The following CTNNA3 variants were observed in gnomAD, a reference collection of about 807,000 sequenced individuals.
The protein encoded by CTNNA3 is catenin alpha-3.
In CTNNA3, 76 loss-of-function variants were observed where a neutral mutation model predicts 95.7. The ratio of observed to expected loss-of-function variants is 0.79; its 90% CI spans 0.66 to 0.96. The LOEUF (loss-of-function observed/expected upper bound fraction) is 0.96. Among genes scored for constraint, CTNNA3 ranks in the 40% least tolerant of loss-of-function variants. The probability of loss-of-function intolerance (pLI) is 0.00; values close to 1 mark genes in which losing one functional copy is unlikely to be tolerated. For synonymous variants in CTNNA3, 431 were observed against 374.4 expected, an observed-to-expected ratio of 1.15 and a Z score of -1.74; for missense variants, 1,191 against 1,089.8, an observed-to-expected ratio of 1.09 and a Z score of -1.31.
At chr10:67,315,290 C>T (rs771442897) in intron 5 of CTNNA3, among the ~76,000 whole-genome samples, 10 of 152,246 alleles carry the variant, frequency 6.6e-5, no homozygotes, top group Non-Finnish European at 1.2e-4. Context: ...CAAAATATTA[C>T]CATTGATCAT....
chr10:67,666,721 ACTTTC>A (rs1246031553), intron 1 of CTNNA3, among the ~76,000 whole-genome samples: 1 of 152,006 alleles, frequency 6.6e-6, no homozygotes, highest in Non-Finnish European at 1.5e-5. Flanking sequence ...CATCATCTCA[ACTTTC>A]CTTAGTAAAT....
At chr10:66,875,547 G>T (rs184660248) in intron 7 of CTNNA3, among the ~76,000 whole-genome samples, 1 of 152,200 alleles carries the variant, frequency 6.6e-6, no homozygotes, top group East Asian at 1.9e-4. Flanking sequence ...TAAGCCTCTT[G>T]CTGATTCAAT....
chr10:67,349,610 A>G lies in CTNNA3; in HGVS notation c.580-129740T>C, dbSNP rs1425334133. Among the ~76,000 whole-genome samples the G allele has an allele frequency of 2.6e-5, 4 of 152,172 alleles. No homozygotes were observed. In the East Asian group the frequency reaches 7.7e-4, roughly 29 times the overall value. ...AAAGTTTCAATTAATCAAGATAAATAAGTTCTAGAGATCTGCTGTACAACA... is the reference window on the plus strand; with the variant it reads ...AAAGTTTCAATTAATCAAGATAAATGAGTTCTAGAGATCTGCTGTACAACA... On this transcript the variant is annotated intron_variant, in intron 5 of 17. Coordinates refer to ENST00000433211, the MANE Select transcript of CTNNA3 (RefSeq NM_013266.4).
chr10:67,323,521 G>A (rs1841412334), intron 5 of CTNNA3, among the ~76,000 whole-genome samples: 1 of 152,126 alleles, frequency 6.6e-6, no homozygotes, highest in African/African-American at 2.4e-5. Context: ...AGATCAGATA[G>A]TTGAGGTGTG....
At chr10:67,172,169 T>C (rs188896743) in intron 7 of CTNNA3, among the ~76,000 whole-genome samples, 4 of 152,340 alleles carry the variant, frequency 2.6e-5, no homozygotes, top group Admixed American at 2.0e-4. Flanking sequence ...GCTTAAGAGC[T>C]TTCTCTCCTC....
At chr10:67,130,080 A>G (rs1031683314) in intron 7 of CTNNA3, among the ~76,000 whole-genome samples, 1 of 152,076 alleles carries the variant, frequency 6.6e-6, no homozygotes, top group Admixed American at 6.6e-5. Context: ...CCCCCCTTCC[A>G]ACATCATGCT....
intron 7 of CTNNA3, among the ~76,000 whole-genome samples, chr10:67,045,389 AT>A (rs1423457316): frequency 6.6e-6 from 1 of 152,130 alleles, no homozygotes; most frequent in Non-Finnish European, 1.5e-5. Context: ...TTTAAAAAAA[AT>A]TTATTCATTT....
At chr10:67,190,071 G>A (rs1226315259) in intron 6 of CTNNA3, among the ~76,000 whole-genome samples, 1 of 152,048 alleles carries the variant, frequency 6.6e-6, no homozygotes, top group Non-Finnish European at 1.5e-5. Flanking sequence ...GTAGCCTAAA[G>A]GCTATCTTCC....
In CTNNA3 at chr10:65,914,196, C is replaced by T. The variant is rs1219294618; in HGVS notation, c.*6134G>A. On this transcript the variant is annotated 3_prime_UTR_variant, in exon 18 of 18. Transcript: ENST00000433211. ...TAGACATAATTGTTAGAAATCTGAGCCTTTTTGAAAGAGAATTTTCTCCTT... is the reference window on the plus strand; with the variant it reads ...TAGACATAATTGTTAGAAATCTGAGTCTTTTTGAAAGAGAATTTTCTCCTT... The T allele has an allele frequency of 6.6e-6, 1 of 152,034 alleles. No individual in the cohort carries two copies. The highest frequency in any genetic ancestry group is 1.5e-5 in the Non-Finnish European group (1 of 67,998). The allele number at this position is 152,034 out of a possible 1,614,324, so 9.4% of individuals were successfully genotyped here.
intron 7 of CTNNA3, among the ~76,000 whole-genome samples, chr10:66,863,919 C>T (rs142361011): frequency 6.6e-6 from 1 of 152,168 alleles, no homozygotes; most frequent in East Asian, 1.9e-4. Flanking sequence ...TATAGTTTAT[C>T]ACAGAATTCA....
At chr10:67,000,746 C>A (rs1851634268) in intron 7 of CTNNA3, among the ~76,000 whole-genome samples, 1 of 151,996 alleles carries the variant, frequency 6.6e-6, no homozygotes, top group African/African-American at 2.4e-5. Context: ...CCTCCCTCAC[C>A]CCACACCTGA....
chr10:66,836,282 C>T (rs1228641195), intron 7 of CTNNA3, among the ~76,000 whole-genome samples: 1 of 152,156 alleles, frequency 6.6e-6, no homozygotes, highest in African/African-American at 2.4e-5. Flanking sequence ...CAGCATCACA[C>T]TGTTTAAATT....
At chr10:66,954,965 T>G (rs1323339498) in intron 7 of CTNNA3, among the ~76,000 whole-genome samples, 1 of 152,152 alleles carries the variant, frequency 6.6e-6, no homozygotes, top group African/African-American at 2.4e-5. Flanking sequence ...AGATCTCAAT[T>G]AGGAAAAGTA....
At chr10:65,968,829 T>G (rs72808350) in intron 16 of CTNNA3, among the ~76,000 whole-genome samples, 57 of 152,266 alleles carry the variant, frequency 3.7e-4, no homozygotes, top group Non-Finnish European at 6.6e-4. Context: ...CAGCTCCATA[T>G]CTAGGCACAC....
chr10:66,634,034 T>G (rs1392056419), intron 9 of CTNNA3, among the ~76,000 whole-genome samples: 1 of 152,194 alleles, frequency 6.6e-6, no homozygotes, highest in African/African-American at 2.4e-5. Flanking sequence ...GGAAATGTGA[T>G]ATCCAAAATG....
At chr10:67,481,785 G>A (rs915610771) in intron 5 of CTNNA3, among the ~76,000 whole-genome samples, 1 of 152,126 alleles carries the variant, frequency 6.6e-6, no homozygotes, top group Non-Finnish European at 1.5e-5. Flanking sequence ...GGCTTTTGTT[G>A]TCATTGCTTT....
chr10:67,251,726 T>C (rs571167724), intron 5 of CTNNA3, among the ~76,000 whole-genome samples: 2 of 152,212 alleles, frequency 1.3e-5, no homozygotes, highest in Admixed American at 1.3e-4. Context: ...GAAAATAATC[T>C]CAATATAAAT....
intron 7 of CTNNA3, among the ~76,000 whole-genome samples, chr10:66,962,401 T>A (rs1212151569): frequency 7.2e-6 from 1 of 138,896 alleles, no homozygotes; most frequent in Admixed American, 7.1e-5. Flanking sequence ...TTTGTTTTGT[T>A]TTTTGTTTTT....
chr10:66,374,791 A>G (rs2092782810), intron 12 of CTNNA3, among the ~76,000 whole-genome samples: 1 of 150,724 alleles, frequency 6.6e-6, no homozygotes, highest in Non-Finnish European at 1.5e-5. Flanking sequence ...ATTTTTTTGT[A>G]TTTTTTCTAG....
Sources: gnomAD v4.1 joint callset for allele counts (sites outside exome capture counted in the v4.1 genomes callset) on GRCh38, gnomAD v4.1.1 for gene constraint, MANE v1.5 for transcripts, NCBI Gene and HGNC (gene_info 2026-07-23, HGNC 2026-07-21) for gene names.